Variants in CA10 observed in about 807,000 individuals in gnomAD.
CA10 encodes the protein carbonic anhydrase 10 (inactive).
Under a neutral mutation model 44.2 loss-of-function variants are expected in CA10, and 14 were observed. The observed-to-expected ratio is 0.32, with a 90% confidence interval of 0.21 to 0.50. The LOEUF (loss-of-function observed/expected upper bound fraction) is 0.50. Ranked by LOEUF, CA10 falls within the 20% of genes least tolerant of loss-of-function variation. CA10 has a pLI of 0.99. For missense variants in CA10, 350 were observed against 409.7 expected (o/e 0.85, Z 1.26); for synonymous variants, 159 against 141.6 (o/e 1.12, Z -0.87).
intron 3 of CA10, among the ~76,000 whole-genome samples, chr17:51,791,898 A>C (rs571224780): frequency 6.6e-6 from 1 of 152,296 alleles, no homozygotes; most frequent in South Asian, 2.1e-4. Context: ...CCTTTATTTT[A>C]GAACCTATGT....
intron 2 of CA10, among the ~76,000 whole-genome samples, chr17:52,019,669 C>G (rs895157584): frequency 6.6e-6 from 1 of 151,944 alleles, no homozygotes; most frequent in Non-Finnish European, 1.5e-5. Flanking sequence ...ATGTGTTTGC[C>G]ACCAAAAATC....
At chr17:52,126,476 G>T (rs1393942660) in intron 1 of CA10, among the ~76,000 whole-genome samples, 1 of 152,108 alleles carries the variant, frequency 6.6e-6, no homozygotes, top group East Asian at 1.9e-4. Context: ...TGAATGTTTG[G>T]TTAACCTATC....
chr17:52,059,970 G>A (rs746052376), intron 2 of CA10, among the ~76,000 whole-genome samples: 5 of 152,156 alleles, frequency 3.3e-5, no homozygotes, highest in Non-Finnish European at 5.9e-5. Flanking sequence ...TCTGGTTCTA[G>A]GTCCAACTCC....
At chr17:51,947,829 C>T (rs568173078) in intron 2 of CA10, among the ~76,000 whole-genome samples, 2 of 152,072 alleles carry the variant, frequency 1.3e-5, no homozygotes, top group African/African-American at 4.8e-5. Flanking sequence ...GCTTGCAAAG[C>T]CCTATAGAAT....
intron 1 of CA10, among the ~76,000 whole-genome samples, chr17:52,081,393 A>C (rs972055613): frequency 2.4e-4 from 36 of 152,344 alleles, no homozygotes; most frequent in Admixed American, 6.5e-4. Context: ...ATAATAGTAG[A>C]TACAGGGGAG....
intron 3 of CA10, among the ~76,000 whole-genome samples, chr17:51,890,225 A>G (rs917259873): frequency 5.3e-5 from 8 of 152,182 alleles, no homozygotes; most frequent in Non-Finnish European, 7.3e-5. Flanking sequence ...GTTTCAGGTC[A>G]TTCATGGGGA....
At chr17:51,993,357 T>C (rs887956251) in intron 2 of CA10, among the ~76,000 whole-genome samples, 29 of 152,166 alleles carry the variant, frequency 1.9e-4, no homozygotes, top group Admixed American at 5.2e-4. Context: ...TCTCTGACAC[T>C]GAATGTTATA....
intron 4 of CA10, among the ~76,000 whole-genome samples, chr17:51,674,830 A>G (rs1914559330): frequency 6.6e-6 from 1 of 152,214 alleles, no homozygotes; most frequent in Admixed American, 6.5e-5. Flanking sequence ...GGAAGATGCC[A>G]GAAGTCTGTT....
chr17:52,136,011 G>A (rs1166728914), intron 1 of CA10, among the ~76,000 whole-genome samples: 1 of 152,176 alleles, frequency 6.6e-6, no homozygotes, highest in East Asian at 1.9e-4. Context: ...AAATAAATAA[G>A]CCTTGCATAA....
chr17:51,724,249 C>T (rs1916444721), intron 4 of CA10, among the ~76,000 whole-genome samples: 1 of 152,130 alleles, frequency 6.6e-6, no homozygotes. Flanking sequence ...TGAAATATTG[C>T]CAAAATAAGT....
At chr17:52,089,864 G>A (rs756463470) in intron 1 of CA10, among the ~76,000 whole-genome samples, 1 of 152,074 alleles carries the variant, frequency 6.6e-6, no homozygotes, top group Non-Finnish European at 1.5e-5. Flanking sequence ...GAAGAAGGGA[G>A]AGATGGGGAA....
In CA10 at chr17:51,957,756, C is replaced by T. The variant is rs542774982; in HGVS notation, c.137-26624G>A. Among the ~76,000 whole-genome samples, 3 of 152,252 alleles carry T rather than the reference C, an allele frequency of 2.0e-5. No individual in the cohort carries two copies. In the East Asian group the frequency reaches 5.8e-4, roughly 29 times the overall value. On this transcript the variant is annotated intron_variant, in intron 2 of 8. Transcript: ENST00000451037. ...CAGCTATATTCAACTATTTTCTGCT[C>T]TCCTAGAGTGCCATGCATTTGCAAG...
At chr17:52,052,962 A>ATG (rs147825814) in intron 2 of CA10, among the ~76,000 whole-genome samples, 5 of 151,208 alleles carry the variant, frequency 3.3e-5, no homozygotes, top group East Asian at 3.9e-4. Flanking sequence ...AGTGTGAGTG[A>ATG]TGTGTGTGTG....
chr17:51,703,514 T>TC lies in CA10; in HGVS notation c.465+44118dup, dbSNP rs199729542. Reference sequence around the variant, plus strand: ...CCTTATTCTCTCCCCACCCCACCCATCCATATTGTTTTGAGAATAAAATGA... The same window carrying TC: ...CCTTATTCTCTCCCCACCCCACCCATCCCATATTGTTTTGAGAATAAAATGA... On this transcript the variant is annotated intron_variant, in intron 4 of 8. Transcript: ENST00000451037. Among the ~76,000 whole-genome samples, 1,033 of 152,172 alleles carry TC rather than the reference T, an allele frequency of 6.8e-3. 15 individuals are homozygous for TC. Among genetic ancestry groups the TC allele is most frequent in the African/African-American group, 0.024 (996 of 41,530 alleles).
intron 2 of CA10, among the ~76,000 whole-genome samples, chr17:52,030,210 T>C (rs1986423615): frequency 6.6e-6 from 1 of 152,220 alleles, no homozygotes; most frequent in Non-Finnish European, 1.5e-5. Flanking sequence ...AATGCATGAA[T>C]GGTTCTGGCC....
intron 3 of CA10, among the ~76,000 whole-genome samples, chr17:51,891,616 A>G (rs185630414): frequency 6.6e-6 from 1 of 152,366 alleles, no homozygotes; most frequent in African/African-American, 2.4e-5. Context: ...GCTGCAATTG[A>G]TGGAAAAATA....
At chr17:51,838,486 A>C (rs1198668635) in intron 3 of CA10, among the ~76,000 whole-genome samples, 1 of 152,256 alleles carries the variant, frequency 6.6e-6, no homozygotes, top group East Asian at 1.9e-4. Flanking sequence ...AAATGTATGA[A>C]GTGGCTTGTG....
At position 51,805,582 on chromosome 17, in the gene CA10, C is replaced by A. The variant is rs1421244963; in HGVS notation, c.280-57764G>T. 8.5e-5 allele frequency among the ~76,000 whole-genome samples: 13 copies of A among 152,314 alleles called. 1 individual carries two copies. The South Asian group carries it at 2.7e-3, about 32-fold the overall frequency. On this transcript the variant is annotated intron_variant, in intron 3 of 8. Transcript: ENST00000451037. ...GGTCCAAGTTCTAGTATTTTAAAAACTCCCCAAGAACATTTTTAAAAACAG... is the reference window on the plus strand; with the variant it reads ...GGTCCAAGTTCTAGTATTTTAAAAAATCCCCAAGAACATTTTTAAAAACAG...
chr17:52,095,678 G>A (rs1988384140), intron 1 of CA10, among the ~76,000 whole-genome samples: 1 of 151,996 alleles, frequency 6.6e-6, no homozygotes, highest in Admixed American at 6.6e-5. Flanking sequence ...ATCCTGTCCT[G>A]TCTCACCTGT....
Sources: allele counts gnomAD v4.1 joint callset (sites outside exome capture counted in the v4.1 genomes callset), GRCh38; gene constraint gnomAD v4.1.1; transcripts MANE v1.5; gene names NCBI Gene and HGNC (gene_info 2026-07-23, HGNC 2026-07-21).